NKAIN3: variants seen among roughly 807,000 people sequenced by gnomAD.
NKAIN3 encodes the protein sodium/potassium-transporting ATPase subunit beta-1-interacting protein 3.
NKAIN3 carries 25 observed loss-of-function variants against 30.2 expected under a neutral mutation model. The observed-to-expected ratio is 0.83, with a 90% confidence interval of 0.60 to 1.16. NKAIN3 has a LOEUF of 1.16. Ranked by LOEUF, NKAIN3 falls within the 50% of genes most tolerant of loss-of-function variation. The pLI, the probability that NKAIN3 is intolerant of heterozygous loss-of-function variation, is 0.00. For synonymous variants in NKAIN3, 91 were observed against 89.6 expected, an observed-to-expected ratio of 1.02 and a Z score of -0.09; for missense variants, 225 against 254.1, an observed-to-expected ratio of 0.89 and a Z score of 0.78.
At chr8:62,265,511 G>GTA (rs1812575580) in intron 1 of NKAIN3, among the ~76,000 whole-genome samples, 1 of 152,114 alleles carries the variant, frequency 6.6e-6, no homozygotes, top group Non-Finnish European at 1.5e-5. Flanking sequence ...TTGGTACATG[G>GTA]CATTGGCAAA....
Position 62,392,584 on chromosome 8 carries a change from A to G in NKAIN3, c.54+143457A>G, listed in dbSNP as rs576377762. ...ATGCAAAGAAAAGCATAAATGTATTATATTCATTGAACCATTAAATGGGAG... is the reference window on the plus strand; with the variant it reads ...ATGCAAAGAAAAGCATAAATGTATTGTATTCATTGAACCATTAAATGGGAG... On this transcript the variant is annotated intron_variant, in intron 1 of 6. Transcript: ENST00000623646. Among the ~76,000 whole-genome samples the G allele has an allele frequency of 1.1e-4, 17 of 152,122 alleles. No homozygotes were observed. The South Asian group carries it at 3.3e-3, about 30-fold the overall frequency.
At position 62,970,260 on chromosome 8, in the gene NKAIN3, G is replaced by C. The variant is rs574903714; in HGVS notation, c.*4853G>C. Among the ~76,000 whole-genome samples, 11 of 152,122 alleles carry C rather than the reference G, an allele frequency of 7.2e-5. No individual in the cohort carries two copies. In the South Asian group the frequency reaches 2.3e-3, roughly 32 times the overall value. ...ATAAGTAGATATGTTTTAATTATTAGAAGAAGGTATTTATCAATAAAGAAT... is the reference window on the plus strand; with the variant it reads ...ATAAGTAGATATGTTTTAATTATTACAAGAAGGTATTTATCAATAAAGAAT... On this transcript the variant is annotated 3_prime_UTR_variant, in exon 7 of 7. Coordinates refer to ENST00000623646, the MANE Select transcript of NKAIN3 (RefSeq NM_001304533.3).
intron 4 of NKAIN3, among the ~76,000 whole-genome samples, chr8:62,800,979 C>T (rs369866577): frequency 2.0e-5 from 3 of 152,192 alleles, no homozygotes; most frequent in African/African-American, 2.4e-5. Context: ...GCACCTGGCT[C>T]GGAGGGTCCT....
At chr8:62,691,892 C>A (rs1288785211) in intron 3 of NKAIN3, among the ~76,000 whole-genome samples, 1 of 152,140 alleles carries the variant, frequency 6.6e-6, no homozygotes, top group African/African-American at 2.4e-5. Context: ...AATCGAAGAG[C>A]AAGCTAATAG....
intron 4 of NKAIN3, among the ~76,000 whole-genome samples, chr8:62,823,576 T>C (rs1219168810): frequency 6.6e-6 from 1 of 152,184 alleles, no homozygotes; most frequent in Non-Finnish European, 1.5e-5. Flanking sequence ...AGAATGTTGC[T>C]TTGAGACGAT....
chr8:62,268,385 T>TC (rs1563912722), intron 1 of NKAIN3, among the ~76,000 whole-genome samples: 1 of 152,140 alleles, frequency 6.6e-6, no homozygotes, highest in Non-Finnish European at 1.5e-5. Flanking sequence ...CCTGGATCAA[T>TC]CCCTGTAAAA....
chr8:62,867,514 G>A (rs183243458), intron 4 of NKAIN3, among the ~76,000 whole-genome samples: 1 of 152,274 alleles, frequency 6.6e-6, no homozygotes, highest in Admixed American at 6.5e-5. Context: ...GAGATAGGAG[G>A]AGAGAACTGA....
At chr8:62,286,905 T>A (rs915604208) in intron 1 of NKAIN3, among the ~76,000 whole-genome samples, 4 of 151,892 alleles carry the variant, frequency 2.6e-5, no homozygotes, top group Non-Finnish European at 5.9e-5. Context: ...TTTCCTTCAT[T>A]TTAGAAAATT....
intron 3 of NKAIN3, among the ~76,000 whole-genome samples, chr8:62,682,882 T>C (rs1026085486): frequency 6.6e-6 from 1 of 152,150 alleles, no homozygotes; most frequent in Non-Finnish European, 1.5e-5. Context: ...CCCAACCTGA[T>C]GGTCTTTCTC....
intron 1 of NKAIN3, among the ~76,000 whole-genome samples, chr8:62,531,771 G>A (rs1808498241): frequency 6.6e-6 from 1 of 152,182 alleles, no homozygotes; most frequent in African/African-American, 2.4e-5. Context: ...CACTCACTCA[G>A]GGAAAGGGAA....
rs367989020 is a variant in NKAIN3 at position 62,739,221 on chromosome 8, C to CT, written c.274-7709dup. 2.7e-3 allele frequency among the ~76,000 whole-genome samples: 411 copies of CT among 151,990 alleles called. 3 individuals carry two copies. Among genetic ancestry groups the CT allele is most frequent in the African/African-American group, 9.6e-3 (396 of 41,440 alleles). Reference sequence around the variant, plus strand: ...GGCACTTGTATACCTATGTAACAAACTTGCACATTCTGCACACATAACCCA... The same window carrying CT: ...GGCACTTGTATACCTATGTAACAAACTTTGCACATTCTGCACACATAACCCA... On this transcript the variant is annotated intron_variant, in intron 3 of 6. Coordinates refer to ENST00000623646, the MANE Select transcript of NKAIN3 (RefSeq NM_001304533.3).
intron 4 of NKAIN3, among the ~76,000 whole-genome samples, chr8:62,759,489 G>A (rs1196772427): frequency 9.3e-5 from 3 of 32,302 alleles, no homozygotes; most frequent in East Asian, 4.0e-4. Flanking sequence ...ATAGGTGGGG[G>A]CTTATAAAGC....
At chr8:62,582,211 C>T (rs2199842) in intron 2 of NKAIN3, among the ~76,000 whole-genome samples, 101,651 of 150,464 alleles carry the variant, frequency 0.68, 34,637 homozygotes, top group African/African-American at 0.72. Flanking sequence ...TCTAACTTTC[C>T]TTCTCCCTTT....
chr8:62,436,365 A>C lies in NKAIN3; in HGVS notation c.55-143174A>C, dbSNP rs73261461. On this transcript the variant is annotated intron_variant, in intron 1 of 6. Transcript: ENST00000623646. ...GGCTGAAATCAGGGCTGAAAATTAT[A>C]CATGAAGCTATTTTTTAAGAAAACT... Among the ~76,000 whole-genome samples the C allele has an allele frequency of 2.0e-3, 306 of 152,300 alleles. 1 individual carries two copies. Among genetic ancestry groups the C allele is most frequent in the African/African-American group, 7.0e-3 (292 of 41,580 alleles).
intron 1 of NKAIN3, among the ~76,000 whole-genome samples, chr8:62,364,309 G>T (rs1251668083): frequency 1.3e-5 from 2 of 152,042 alleles, no homozygotes; most frequent in African/African-American, 4.8e-5. Context: ...TCTTAAAGGT[G>T]GTTGTAAAAC....
chr8:62,907,963 T>C (rs996571845), intron 4 of NKAIN3, among the ~76,000 whole-genome samples: 1 of 152,078 alleles, frequency 6.6e-6, no homozygotes, highest in African/African-American at 2.4e-5. Flanking sequence ...GAATGGTAGA[T>C]CCACTGACAG....
intron 1 of NKAIN3, among the ~76,000 whole-genome samples, chr8:62,478,943 A>G (rs1389178552): frequency 6.6e-6 from 1 of 152,162 alleles, no homozygotes; most frequent in Non-Finnish European, 1.5e-5. Context: ...CTTGTAAGAC[A>G]CAGCACCCTG....
At chr8:62,662,427 AC>A (rs1812975061) in intron 3 of NKAIN3, among the ~76,000 whole-genome samples, 1 of 152,084 alleles carries the variant, frequency 6.6e-6, no homozygotes. Context: ...AATCCCAACC[AC>A]CAATAATCCA....
chr8:62,857,097 T>C, intron 4 of NKAIN3: 1 of 433,592 alleles, frequency 2.3e-6, no homozygotes, highest in Non-Finnish European at 4.5e-6. Flanking sequence ...TGGCTACTTC[T>C]CACTTTGGTG....
Sources: allele counts gnomAD v4.1 joint callset (sites outside exome capture counted in the v4.1 genomes callset), GRCh38; gene constraint gnomAD v4.1.1; transcripts MANE v1.5; gene names NCBI Gene and HGNC (gene_info 2026-07-23, HGNC 2026-07-21).